Variants in ATP2B3 observed in about 807,000 individuals in gnomAD.
ATP2B3 encodes the protein ATPase plasma membrane Ca2+ transporting 3, also known as plasma membrane calcium-transporting ATPase 3.
A neutral mutation model predicts 70.8 loss-of-function variants in ATP2B3; 12 were observed. The observed-to-expected ratio is 0.17, with a 90% CI of 0.11 to 0.27. The LOEUF (loss-of-function observed/expected upper bound fraction) is 0.27. Among genes scored for constraint, ATP2B3 ranks in the 10% least tolerant of loss-of-function variants. The probability of loss-of-function intolerance (pLI) is 1.00; values close to 1 mark genes in which losing one functional copy is unlikely to be tolerated. For missense variants in ATP2B3, 858 were observed against 1,118.5 expected (o/e 0.77, Z 3.32); for synonymous variants, 460 against 497.8 (o/e 0.92, Z 1.01).
At chrX:153,554,870 C>A (rs782209208) in intron 13 of ATP2B3, among the ~76,000 whole-genome samples, 154 of 111,260 alleles carry the variant, frequency 1.4e-3, no homozygotes, top group Non-Finnish European at 2.6e-3. Context: ...CCTGGCCTGG[C>A]CCTTTGGGGC....
intron 21 of ATP2B3, 29 bp from the exon 22 acceptor site, chrX:153,579,949 G>A (rs782453811): frequency 2.0e-5 from 23 of 1,152,065 alleles, no homozygotes; most frequent in Admixed American, 9.1e-5. Flanking sequence ...CTCCCACCTC[G>A]CGCCCTGTCC....
rs1481896217 is a variant in ATP2B3 at position 153,517,765 on chromosome X, C to G, written c.-357C>G. ...TCCCGCGCCGCCGGCCAGGCCGCCC[C>G]GTGCCCAGGCCTTTCCATCCTTGGA... is the stretch of plus-strand genomic sequence containing the variant. On this transcript the variant is annotated 5_prime_UTR_variant, in exon 1 of 22. Transcript: ENST00000263519. The G allele has an allele frequency of 1.8e-5, 2 of 110,413 alleles. No individual in the cohort carries two copies. The highest frequency in any genetic ancestry group is 3.8e-5 in the Non-Finnish European group (2 of 52,303). The allele number at this position is 110,413 out of a possible 1,213,427, so 9.1% of individuals were successfully genotyped here. A position where few individuals can be genotyped will look rare whatever the true frequency, so the allele number is the denominator to read the frequency against.
intron 2 of ATP2B3, chrX:153,532,902 A>C (rs1557002443): frequency 8.9e-6 from 1 of 112,080 alleles, no homozygotes; most frequent in East Asian, 2.8e-4. Flanking sequence ...AGAACCCAGA[A>C]AAGCAAAGTA....
At chrX:153,571,448 C>G (rs1423917265) in intron 21 of ATP2B3, among the ~76,000 whole-genome samples, 1 of 112,428 alleles carries the variant, frequency 8.9e-6, no homozygotes, top group Non-Finnish European at 1.9e-5. Flanking sequence ...CCCCACTCCA[C>G]GCGTTCCTCG....
chrX:153,527,293 GT>G (rs1569533284), intron 2 of ATP2B3, among the ~76,000 whole-genome samples: 5 of 112,464 alleles, frequency 4.4e-5, no homozygotes, highest in Non-Finnish European at 9.4e-5. Context: ...CGAGGTCTCC[GT>G]CCCTTTGTAG....
In ATP2B3 at chrX:153,549,699, A is replaced by G; in HGVS notation, c.1541A>G (p.His514Arg). ...CCTAAGATCCTCGACCTCCTGGTCC[A>G]TGCCATCTCCATCAACAGTGCCTAT... is the stretch of plus-strand genomic sequence containing the variant. ...LTPKILDLLV[H>R]AISINSAYTT... The change falls in exon 11 of 22, where the codon CAT becomes CGT. Residue 514 changes from histidine to arginine, a missense_variant. Transcript: ENST00000263519. The G allele has an allele frequency of 8.2e-7, 1 of 1,212,143 alleles. No homozygotes were observed. The highest frequency in any genetic ancestry group is 1.1e-6 in the Non-Finnish European group (1 of 895,539).
chrX:153,566,382 G>A (rs782542284), intron 21 of ATP2B3, among the ~76,000 whole-genome samples: 9 of 112,805 alleles, frequency 8.0e-5, no homozygotes, highest in Admixed American at 3.7e-4. Context: ...GGGAATAGGC[G>A]GGGCCTGAGG....
intron 3 of ATP2B3, among the ~76,000 whole-genome samples, chrX:153,538,725 C>T (rs1386018047): frequency 8.8e-6 from 1 of 113,231 alleles, no homozygotes; most frequent in Non-Finnish European, 1.9e-5. Flanking sequence ...GGACTGCCCT[C>T]GGGCCTGCTG....
intron 21 of ATP2B3, among the ~76,000 whole-genome samples, chrX:153,566,022 C>T (rs1448068870): frequency 8.9e-5 from 10 of 112,415 alleles, no homozygotes; most frequent in Non-Finnish European, 1.9e-4. Flanking sequence ...TGCTGAAAAT[C>T]CTGGCCGGGG....
At chrX:153,553,392 G>A in intron 13 of ATP2B3, 123 bp downstream of exon 13, 2 of 585,223 alleles carry the variant, frequency 3.4e-6, no homozygotes, top group Admixed American at 6.8e-5. Flanking sequence ...GTACACTTGA[G>A]CCCCGTCCTG....
At chrX:153,531,955 C>G (rs782089808) in intron 2 of ATP2B3, among the ~76,000 whole-genome samples, 1 of 111,829 alleles carries the variant, frequency 8.9e-6, no homozygotes, top group Admixed American at 9.4e-5. Flanking sequence ...AGCAGGTGGC[C>G]GAGTGGAATG....
rs782205665 is a variant in ATP2B3 at position 153,575,971 on chromosome X, G to A, written c.3343-4007G>A. 6.3e-5 allele frequency among the ~76,000 whole-genome samples: 7 copies of A among 111,811 alleles called. No individual in the cohort carries two copies. In the East Asian group the frequency reaches 1.1e-3, roughly 18 times the overall value. ...GGGACACACAGTGGGGAGCCACCTC[G>A]CCTCACCCGGATGAGATGGGGAGTC... On this transcript the variant is annotated intron_variant, in intron 21 of 21. Transcript: ENST00000263519.
chrX:153,553,316 G>A (rs782186944), intron 13 of ATP2B3, 47 bp downstream of exon 13: 2 of 1,113,869 alleles, frequency 1.8e-6, no homozygotes, highest in Non-Finnish European at 2.4e-6. Context: ...TGTGCCCTCT[G>A]CCCGAGCTTG....
intron 2 of ATP2B3, among the ~76,000 whole-genome samples, chrX:153,529,876 T>C (rs1233026069): frequency 8.9e-6 from 1 of 112,437 alleles, no homozygotes; most frequent in Non-Finnish European, 1.9e-5. Context: ...GTCAGCCATG[T>C]TGAAGCCCGT....
Position 153,570,860 on chromosome X carries a change from CT to C in ATP2B3, c.3342+5768del, listed in dbSNP as rs782171269. 8.1e-3 allele frequency among the ~76,000 whole-genome samples: 851 copies of C among 104,527 alleles called. 10 individuals carry two copies. The highest frequency in any genetic ancestry group is 0.026 in the African/African-American group (757 of 29,057). 90.8% of individuals were successfully genotyped at this position (104,527 alleles called of 115,157 possible). A position where few individuals can be genotyped will look rare whatever the true frequency, so the allele number is the denominator to read the frequency against. On this transcript the variant is annotated intron_variant, in intron 21 of 21. Coordinates refer to ENST00000263519, the MANE Select transcript of ATP2B3 (RefSeq NM_001001344.3). ...AGCTTGATTGCTTTTCTTTTCCTTT[CT>C]TTTTTTTTTTAGGAACTGGTGAGAG...
At chrX:153,523,146 T>C (rs1556998410) in intron 2 of ATP2B3, among the ~76,000 whole-genome samples, 1 of 111,691 alleles carries the variant, frequency 9.0e-6, no homozygotes, top group Non-Finnish European at 1.9e-5. Context: ...AAATGAATGG[T>C]TTTTTTCAAA....
At chrX:153,569,861 T>G (rs2090762987) in intron 21 of ATP2B3, 1 of 941,507 alleles carries the variant, frequency 1.1e-6, no homozygotes, top group Non-Finnish European at 1.5e-6. Flanking sequence ...CCGCTCACCG[T>G]GGCTTTTCTG....
chrX:153,528,355 C>A (rs782771268), intron 2 of ATP2B3, among the ~76,000 whole-genome samples: 7 of 112,100 alleles, frequency 6.2e-5, no homozygotes, highest in African/African-American at 2.3e-4. Flanking sequence ...CCACCCCATG[C>A]TATAGAGGCT....
chrX:153,540,722 TTGGTGACAAGCC>T (rs2090267525), intron 3 of ATP2B3, among the ~76,000 whole-genome samples: 1 of 111,956 alleles, frequency 8.9e-6, no homozygotes, highest in South Asian at 3.7e-4. Context: ...GAGGGGGGTG[TTGGTGACAAGCC>T]TGCTCAGGGA....
Sources: gnomAD v4.1 joint callset for allele counts (sites outside exome capture counted in the v4.1 genomes callset) on GRCh38, gnomAD v4.1.1 for gene constraint, MANE v1.5 for transcripts, NCBI Gene and HGNC (gene_info 2026-07-23, HGNC 2026-07-21) for gene names.